The following FAP variants were observed in gnomAD, a reference collection of about 807,000 sequenced individuals.
FAP encodes prolyl endopeptidase FAP.
FAP carries 110 observed loss-of-function variants against 126.5 expected under a neutral mutation model. The observed-to-expected ratio is 0.87, with a 90% CI of 0.74 to 1.02. FAP has a LOEUF of 1.02. FAP is among the 50% of genes least tolerant of loss of function. FAP has a pLI of 0.00. For synonymous variants in FAP, 334 were observed against 297.3 expected, an observed-to-expected ratio of 1.12 and a Z score of -1.27; for missense variants, 919 against 909.2, an observed-to-expected ratio of 1.01 and a Z score of -0.14.
At position 162,243,086 on chromosome 2, in the gene FAP, G is replaced by A. The variant is rs111721830; in HGVS notation, c.7-94C>T. ...TTTACACCTAAATCCTTTTTCTCTC[G>A]CCCCACAAAGCTTTTGATTGTTTTC... On this transcript the variant is annotated intron_variant, in intron 1 of 25. Coordinates refer to ENST00000188790, the MANE Select transcript of FAP (RefSeq NM_004460.5). 412 of 1,008,504 alleles carry A rather than the reference G, an allele frequency of 4.1e-4. 1 individual carries two copies. In the African/African-American group the frequency reaches 5.1e-3, roughly 13 times the overall value. The allele number at this position is 1,008,504 out of a possible 1,614,324, so 62.5% of individuals were successfully genotyped here. A position where few individuals can be genotyped will look rare whatever the true frequency, so the allele number is the denominator to read the frequency against.
At chr2:162,175,006 T>C (rs771554557) in intron 21 of FAP, 40 bp from the exon 22 acceptor site, 1 of 1,408,352 alleles carries the variant, frequency 7.1e-7, no homozygotes, top group African/African-American at 1.4e-5. Flanking sequence ...AGATTTACTT[T>C]CATAAGCTTT....
chr2:162,192,493 G>A (rs779406643), intron 17 of FAP, among the ~76,000 whole-genome samples: 4 of 151,898 alleles, frequency 2.6e-5, no homozygotes, highest in African/African-American at 4.8e-5. Context: ...AAGTGTTGAT[G>A]TTCCACACAG....
At chr2:162,201,037 A>C (rs974662222) in intron 14 of FAP, among the ~76,000 whole-genome samples, 4 of 152,152 alleles carry the variant, frequency 2.6e-5, no homozygotes, top group African/African-American at 9.7e-5. Flanking sequence ...GTTTGCTACA[A>C]ATTGAGGATA....
intron 21 of FAP, among the ~76,000 whole-genome samples, chr2:162,178,926 T>C (rs1206117656): frequency 6.6e-6 from 1 of 152,212 alleles, no homozygotes; most frequent in East Asian, 1.9e-4. Context: ...GCTTATTATA[T>C]TGTATAAGAG....
chr2:162,215,406 T>C (rs1032212311), intron 10 of FAP, among the ~76,000 whole-genome samples: 2 of 152,174 alleles, frequency 1.3e-5, no homozygotes, highest in African/African-American at 4.8e-5. Flanking sequence ...GCTGGGGAAG[T>C]GAGAATCCTT....
intron 2 of FAP, among the ~76,000 whole-genome samples, chr2:162,233,033 C>T (rs982261668): frequency 6.6e-5 from 10 of 152,262 alleles, no homozygotes; most frequent in African/African-American, 2.4e-4. Context: ...AAGGTTTCTA[C>T]TACATATCCC....
At position 162,179,277 on chromosome 2, in the gene FAP, A is replaced by G. The variant is rs184298335; in HGVS notation, c.1869+4137T>C. On this transcript the variant is annotated intron_variant, in intron 21 of 25. Coordinates refer to ENST00000188790, the MANE Select transcript of FAP (RefSeq NM_004460.5). Reference sequence around the variant, plus strand: ...TTTTTTTTTTTTTGCTAGTCTTTCTAGAGCCTATATACACTATTACATAGA... The same window carrying G: ...TTTTTTTTTTTTTGCTAGTCTTTCTGGAGCCTATATACACTATTACATAGA... Among the ~76,000 whole-genome samples the G allele has an allele frequency of 5.8e-4, 80 of 138,192 alleles. No individual in the cohort carries two copies. In the East Asian group the frequency reaches 0.016, roughly 28 times the overall value. The allele number at this position is 138,192 out of a possible 152,430, so 90.7% of individuals were successfully genotyped here. A position where few individuals can be genotyped will look rare whatever the true frequency, so the allele number is the denominator to read the frequency against.
intron 11 of FAP, among the ~76,000 whole-genome samples, chr2:162,212,530 A>G (rs1444944826): frequency 6.6e-6 from 1 of 152,190 alleles, no homozygotes; most frequent in Admixed American, 6.5e-5. Flanking sequence ...CCTCTCACAG[A>G]CACAGTAGTG....
chr2:162,173,728 A>G lies in FAP; in HGVS notation c.2029T>C (p.Tyr677His). 6.3e-7 allele frequency: 1 copy of G among 1,592,540 alleles called. No homozygotes were observed. The highest frequency in any genetic ancestry group is 1.1e-5 in the South Asian group (1 of 90,518). ...AATAAAATGGAAACACTTACCTTATAGTGCTCAAGATTATCATCCTTTGTT... is the reference window on the plus strand; with the variant it reads ...AATAAAATGGAAACACTTACCTTATGGTGCTCAAGATTATCATCCTTTGTT... The part of the protein sequence containing the change: ...LPTKDDNLEH[Y>H]KNSTVMARAE... Residue 677 changes from tyrosine (Y) to histidine (H), a missense_variant, in exon 23 of 26, where the codon TAT becomes CAT. Tyr to His is a moderately conservative substitution (Grantham distance 83). Transcript: ENST00000188790.
chr2:162,194,870 C>T (rs1688192118), intron 16 of FAP, 122 bp from the exon 17 acceptor site: 4 of 825,840 alleles, frequency 4.8e-6, no homozygotes, highest in Non-Finnish European at 8.2e-6. Flanking sequence ...AATTCTGCAG[C>T]TATTTTTTTC....
chr2:162,174,006 T>C (rs944806110), intron 22 of FAP, among the ~76,000 whole-genome samples: 1 of 152,194 alleles, frequency 6.6e-6, no homozygotes, highest in South Asian at 2.1e-4. Context: ...GAAGAGATTA[T>C]GGAAACAGGA....
chr2:162,216,378 C>G (rs1180783247), intron 9 of FAP, among the ~76,000 whole-genome samples: 1 of 152,056 alleles, frequency 6.6e-6, no homozygotes, highest in Non-Finnish European at 1.5e-5. Flanking sequence ...AAGGAGAGTT[C>G]AGAGGGTGAT....
chr2:162,233,082 C>T (rs1689964701), intron 2 of FAP, among the ~76,000 whole-genome samples: 1 of 152,076 alleles, frequency 6.6e-6, no homozygotes, highest in Non-Finnish European at 1.5e-5. Flanking sequence ...CCACACCTGA[C>T]TTTCACTGGA....
chr2:162,175,969 C>A (rs1406276706), intron 21 of FAP: 1 of 152,112 alleles, frequency 6.6e-6, no homozygotes, highest in Non-Finnish European at 1.5e-5. Flanking sequence ...TGTGTTTATT[C>A]TTGCCCTGAT....
At chr2:162,239,340 C>T (rs777616480) in intron 2 of FAP, among the ~76,000 whole-genome samples, 3 of 152,060 alleles carry the variant, frequency 2.0e-5, no homozygotes, top group Non-Finnish European at 4.4e-5. Context: ...GCCACCCACC[C>T]TTTCCTTTTT....
intron 2 of FAP, among the ~76,000 whole-genome samples, chr2:162,227,130 A>T (rs778568954): frequency 3.9e-5 from 6 of 152,168 alleles, no homozygotes; most frequent in Non-Finnish European, 7.4e-5. Flanking sequence ...CAGTTGGTCA[A>T]ATGAGATTGG....
intron 1 of FAP, 36 bp from the exon 2 acceptor site, chr2:162,243,028 T>C (rs1690417563): frequency 6.6e-7 from 1 of 1,522,128 alleles, no homozygotes; most frequent in African/African-American, 1.4e-5. Flanking sequence ...ATACACACAG[T>C]TCCTGCTAAA....
chr2:162,179,800 A>G (rs866490807), intron 21 of FAP, among the ~76,000 whole-genome samples: 8 of 138,004 alleles, frequency 5.8e-5, no homozygotes, highest in East Asian at 2.0e-4. Context: ...CTATATATAT[A>G]TATATATATA....
chr2:162,235,091 G>A (rs1220260307), intron 2 of FAP, among the ~76,000 whole-genome samples: 4 of 152,022 alleles, frequency 2.6e-5, no homozygotes, highest in East Asian at 3.9e-4. Flanking sequence ...GGCAGGGCTC[G>A]GGACCTGCAG....
Sources: gnomAD v4.1 joint callset for allele counts (sites outside exome capture counted in the v4.1 genomes callset) on GRCh38, gnomAD v4.1.1 for gene constraint, MANE v1.5 for transcripts, NCBI Gene and HGNC (gene_info 2026-07-23, HGNC 2026-07-21) for gene names.